The following SETD2 variants were observed in gnomAD, a reference collection of about 807,000 sequenced individuals.
SETD2 encodes the protein histone-lysine N-methyltransferase SETD2.
In SETD2, 31 loss-of-function variants were observed where a neutral mutation model predicts 242.1. That is an observed-to-expected ratio of 0.13 (90% CI 0.10 to 0.17). The LOEUF (loss-of-function observed/expected upper bound fraction) is 0.17, where lower values mean the gene tolerates loss of function less well. Ranked by LOEUF, SETD2 falls within the 10% of genes least tolerant of loss-of-function variation. The probability of loss-of-function intolerance (pLI) is 1.00; values close to 1 mark genes in which losing one functional copy is unlikely to be tolerated. For missense variants in SETD2, 2,481 were observed against 3,046.3 expected, an observed-to-expected ratio of 0.81 and a Z score of 4.37; for synonymous variants, 1,006 against 1,066.5, an observed-to-expected ratio of 0.94 and a Z score of 1.11.
intron 15 of SETD2, 81 bp downstream of exon 15, chr3:47,056,740 A>G (rs1230944714): frequency 8.1e-6 from 9 of 1,109,642 alleles, no homozygotes; most frequent in Non-Finnish European, 1.2e-5. Context: ...CCATGGTAAG[A>G]CTTCCTCCCC....
intron 9 of SETD2, among the ~76,000 whole-genome samples, chr3:47,093,284 C>CT (rs67167956): frequency 0.049 from 6,611 of 133,664 alleles, 551 homozygotes; most frequent in African/African-American, 0.15. Flanking sequence ...TTTATCCATC[C>CT]TTTTTTTTTT....
intron 9 of SETD2, among the ~76,000 whole-genome samples, chr3:47,089,736 T>A (rs1038017429): frequency 6.6e-6 from 1 of 152,232 alleles, no homozygotes; most frequent in Middle Eastern, 3.4e-3. Context: ...AAGCATTAAC[T>A]GCAAATGTTA....
chr3:47,050,716 CCT>C (rs900693620), intron 15 of SETD2, among the ~76,000 whole-genome samples: 74 of 107,190 alleles, frequency 6.9e-4, no homozygotes, highest in Non-Finnish European at 1.2e-3. Context: ...GTATACATTT[CCT>C]CTCTCTTTTT....
intron 1 of SETD2, among the ~76,000 whole-genome samples, chr3:47,139,848 T>C (rs979095136): frequency 6.6e-5 from 10 of 152,346 alleles, no homozygotes; most frequent in Middle Eastern, 3.4e-3. Flanking sequence ...TTGGAGTAAG[T>C]ATGCTAACCT....
chr3:47,065,209 AT>A (rs2040509668), intron 13 of SETD2, among the ~76,000 whole-genome samples: 2 of 152,172 alleles, frequency 1.3e-5, no homozygotes. Context: ...AGGAAGAGTT[AT>A]TTGCAGCCCT....
chr3:47,164,272 A>C (rs1208881642), upstream of SETD2, among the ~76,000 whole-genome samples: 1 of 152,096 alleles, frequency 6.6e-6, no homozygotes, highest in Non-Finnish European at 1.5e-5. The surrounding 1 kb of genome is among the most constrained non-coding windows in gnomAD (Gnocchi z 5.4). Context: ...GCAGAGCGGA[A>C]CACTGCCCGG....
At position 47,122,592 on chromosome 3, in the gene SETD2, C is replaced by G. The variant is rs2043144038; in HGVS notation, c.2044G>C (p.Asp682His). 1 of 1,614,092 alleles carries G rather than the reference C, an allele frequency of 6.2e-7. No homozygotes were observed. Among genetic ancestry groups the G allele is most frequent in the Non-Finnish European group, 8.5e-7 (1 of 1,180,002 alleles). ...TTAGAAGTGCAAAATGTTGCCAAAT[C>G]AGATTCTGCCCCAGGAGATCCATTT... ...NINGSPGAES[D>H]LATFCTSKTD... Residue 682 changes from aspartate (D) to histidine (H), a missense_variant, in exon 3 of 21, where the codon GAT becomes CAT. Physicochemically the swap from Asp to His is moderately conservative, Grantham distance 81 (BLOSUM62 -1). This residue lies in a region of SETD2 where 1,300 missense variants were observed against 1,259.2 expected (regional missense o/e 1.03). Coordinates refer to ENST00000409792, the MANE Select transcript of SETD2 (RefSeq NM_014159.7).
At position 47,120,772 on chromosome 3, in the gene SETD2, T is replaced by G. The variant is rs2043045388; in HGVS notation, c.3864A>C (p.Gln1288His). ...GTGTCCCACCATACTGTTCTGCATT[T>G]TGCTGATACTTGTGTCCACCACAAG... ...YGACGGHKYQ[Q>H]NAEQYGGTRD... Residue 1288 changes from glutamine (Q) to histidine (H), a missense_variant, in exon 3 of 21, where the codon CAA (glutamine) becomes CAC (histidine). Physicochemically the swap from Gln to His is conservative, Grantham distance 24. Coordinates refer to ENST00000409792, the MANE Select transcript of SETD2 (RefSeq NM_014159.7). 1 of 1,614,234 alleles carries G rather than the reference T, an allele frequency of 6.2e-7. No homozygotes were observed. The highest frequency in any genetic ancestry group is 8.5e-7 in the Non-Finnish European group (1 of 1,180,046).
intron 1 of SETD2, among the ~76,000 whole-genome samples, chr3:47,128,535 A>C (rs2043401320): frequency 6.6e-6 from 1 of 152,236 alleles, no homozygotes; most frequent in South Asian, 2.1e-4. Flanking sequence ...CTTCATCATA[A>C]TTCATTCCAT....
rs1157995960 is a variant in SETD2 at position 47,116,740 on chromosome 3, G to A, written c.4469C>T (p.Ser1490Phe). 4 of 1,596,230 alleles carry A rather than the reference G, an allele frequency of 2.5e-6. No homozygotes were observed. The highest frequency in any genetic ancestry group is 3.4e-6 in the Non-Finnish European group (4 of 1,168,366). The change falls in exon 4 of 21, where the codon TCT (serine) becomes TTT (phenylalanine). Residue 1490 changes from serine (S) to phenylalanine (F), a missense_variant. Around this residue, in one of 17 missense-constraint regions of SETD2, gnomAD observed 48 missense variants for 76.6 expected, o/e 0.63. Transcript: ENST00000409792. The part of the protein sequence containing the change: ...VYLTERKKNK[S>F]HRDIKRMQCE... ...CTGCATTCGCTTAATATCTCGATGA[G>A]ATTTATTCTTCTTTCTATTGGGTAA...
intron 14 of SETD2, among the ~76,000 whole-genome samples, chr3:47,057,852 C>T (rs747884277): frequency 4.6e-5 from 7 of 151,784 alleles, no homozygotes; most frequent in Non-Finnish European, 8.8e-5. Flanking sequence ...AGAAATAATC[C>T]AATACTCAAT....
chr3:47,124,566 A>G lies in SETD2; in HGVS notation c.88-18T>C. 6.6e-7 allele frequency: 1 copy of G among 1,523,800 alleles called. No homozygotes were observed. The highest frequency in any genetic ancestry group is 2.1e-5 in the Admixed American group (1 of 47,658). The allele number at this position is 1,523,800 out of a possible 1,614,324, so 94.4% of individuals were successfully genotyped here. A position where few individuals can be genotyped will look rare whatever the true frequency, so the allele number is the denominator to read the frequency against. On this transcript the variant is annotated intron_variant, in intron 2 of 20. Transcript: ENST00000409792. ...ATCTTTGCCTACAAATGAACAAAAT[A>G]AGCAATTACTACTACAATAAATAGT...
intron 17 of SETD2, among the ~76,000 whole-genome samples, chr3:47,038,562 C>T (rs2039128656): frequency 6.6e-6 from 1 of 152,050 alleles, no homozygotes; most frequent in African/African-American, 2.4e-5. Context: ...TTGCAGTGAG[C>T]CAAGATCGTG....
In SETD2 at chr3:47,101,706, A is replaced by G. The variant is rs2042220575; in HGVS notation, c.4918-151T>C. The G allele has an allele frequency of 6.1e-6, 3 of 488,010 alleles. No individual in the cohort carries two copies. The Admixed American group carries it at 1.1e-4, about 18-fold the overall frequency. The allele number at this position is 488,010 out of a possible 1,614,324, so 30.2% of individuals were successfully genotyped here. On this transcript the variant is annotated intron_variant, in intron 7 of 20. Transcript: ENST00000409792. ...TCTTTAGGCAATGAAGGTTTTCCCAAATAGCACATGGAGACTTTTTTCTTT... is the reference window on the plus strand; with the variant it reads ...TCTTTAGGCAATGAAGGTTTTCCCAGATAGCACATGGAGACTTTTTTCTTT...
rs140284757 is a variant in SETD2, at chr3:47,148,185, C to T, written c.71+15669G>A. On this transcript the variant is annotated intron_variant, in intron 1 of 20. Transcript: ENST00000409792. ...TCGTTCTGTCACCCAGGCTGGATTG[C>T]AGTGGCGCGATCTCAGCTCACTGCA... 3.4e-3 allele frequency among the ~76,000 whole-genome samples: 514 copies of T among 152,040 alleles called. 1 individual carries two copies. The highest frequency in any genetic ancestry group is 5.3e-3 in the Non-Finnish European group (358 of 68,000).
At chr3:47,018,206 C>T (rs187851814) in intron 19 of SETD2, among the ~76,000 whole-genome samples, 1 of 152,090 alleles carries the variant, frequency 6.6e-6, no homozygotes, top group African/African-American at 2.4e-5. Flanking sequence ...AGTGGTCATA[C>T]CACAGCATGT....
Position 47,146,127 on chromosome 3 carries a change from G to C in SETD2, c.71+17727C>G, listed in dbSNP as rs542874843. ...CCCACTTGCTCTTATCTCCCATCTT[G>C]TACTCTCAAAATGTCAGCTGGAGAG... On this transcript the variant is annotated intron_variant, in intron 1 of 20. Transcript: ENST00000409792. 9.8e-4 allele frequency among the ~76,000 whole-genome samples: 140 copies of C among 142,656 alleles called. 2 individuals are homozygous for C. Among genetic ancestry groups the C allele is most frequent in the Non-Finnish European group, 9.1e-4 (60 of 66,184 alleles). The allele number at this position is 142,656 out of a possible 152,430, so 93.6% of individuals were successfully genotyped here.
chr3:47,062,372 T>C (rs373723855), intron 13 of SETD2, 26 bp from the exon 14 acceptor site: 150 of 103,616 alleles, frequency 1.4e-3, no homozygotes, highest in Non-Finnish European at 1.8e-3. Context: ...GGTTTGTTTG[T>C]TTTTTTTTTT....
chr3:47,147,595 T>G (rs1457602506), intron 1 of SETD2, among the ~76,000 whole-genome samples: 1 of 151,396 alleles, frequency 6.6e-6, no homozygotes, highest in African/African-American at 2.4e-5. Flanking sequence ...ATTACAGGTG[T>G]GAGCCACTGT....
Sources: allele counts gnomAD v4.1 joint callset (sites outside exome capture counted in the v4.1 genomes callset), GRCh38; gene constraint gnomAD v4.1.1; regional missense constraint gnomAD v4.1.1; non-coding constraint Gnocchi (gnomAD v3.1); transcripts MANE v1.5; gene names NCBI Gene and HGNC (gene_info 2026-07-23, HGNC 2026-07-21).